Variants in PTPRD observed in about 807,000 individuals in gnomAD.
The protein encoded by PTPRD is receptor-type tyrosine-protein phosphatase delta.
In PTPRD, 34 loss-of-function variants were observed where a neutral mutation model predicts 214.5. The ratio of observed to expected loss-of-function variants is 0.16; its 90% CI spans 0.12 to 0.21. The LOEUF (loss-of-function observed/expected upper bound fraction) is 0.21. Ranked by LOEUF, PTPRD falls within the 10% of genes least tolerant of loss-of-function variation. The pLI is 1.00. For synonymous variants in PTPRD, 1,128 were observed against 845.7 expected (o/e 1.33, Z -5.79); for missense variants, 2,545 against 2,398.7 (o/e 1.06, Z -1.27).
intron 9 of PTPRD, among the ~76,000 whole-genome samples, chr9:9,195,107 T>TATATATATATATATATACAC (rs58832794): frequency 3.5e-5 from 5 of 141,168 alleles, no homozygotes; most frequent in African/African-American, 1.3e-4. Flanking sequence ...TATATATATA[T>TATATATATATATATATACAC]ACACACACAC....
chr9:10,264,580 C>T (rs2093925047), intron 3 of PTPRD, among the ~76,000 whole-genome samples: 2 of 152,142 alleles, frequency 1.3e-5, no homozygotes, highest in South Asian at 2.1e-4. Flanking sequence ...TGCCTGTACC[C>T]CCATTGTATC....
intron 32 of PTPRD, among the ~76,000 whole-genome samples, chr9:8,464,584 G>C (rs1217877123): frequency 6.6e-6 from 1 of 151,854 alleles, no homozygotes; most frequent in Admixed American, 6.6e-5. Flanking sequence ...GAAATGACTG[G>C]CTCAACTGGG....
intron 9 of PTPRD, among the ~76,000 whole-genome samples, chr9:9,292,045 T>C (rs1194061021): frequency 6.6e-6 from 1 of 151,324 alleles, no homozygotes; most frequent in African/African-American, 2.4e-5. Flanking sequence ...AATACTGGTA[T>C]TTTATCTCCT....
chr9:9,920,016 T>C (rs572895792), intron 5 of PTPRD, among the ~76,000 whole-genome samples: 97 of 152,256 alleles, frequency 6.4e-4, no homozygotes, highest in Admixed American at 2.1e-3. Flanking sequence ...CAAAGATCTT[T>C]TCTTGAGGTT....
intron 11 of PTPRD, among the ~76,000 whole-genome samples, chr9:8,773,138 G>T (rs542887302): frequency 6.6e-6 from 1 of 152,132 alleles, no homozygotes; most frequent in Non-Finnish European, 1.5e-5. Context: ...TCCAGAGATT[G>T]TTTCCTTTAG....
intron 4 of PTPRD, among the ~76,000 whole-genome samples, chr9:10,009,836 T>G (rs1327072477): frequency 6.6e-6 from 1 of 151,852 alleles, no homozygotes; most frequent in Non-Finnish European, 1.5e-5. Context: ...TATACTAGAG[T>G]CTGCTTGGAA....
intron 8 of PTPRD, among the ~76,000 whole-genome samples, chr9:9,508,133 T>A (rs541565174): frequency 6.6e-6 from 1 of 151,708 alleles, no homozygotes; most frequent in African/African-American, 2.4e-5. Flanking sequence ...GGTCTCTTGC[T>A]CTTCTTCAGA....
At chr9:10,113,411 G>C (rs988878346) in intron 3 of PTPRD, among the ~76,000 whole-genome samples, 4 of 152,174 alleles carry the variant, frequency 2.6e-5, no homozygotes, top group Admixed American at 6.5e-5. Flanking sequence ...CCTCTGCACA[G>C]ATACAGATGA....
At chr9:9,143,418 G>A (rs547000788) in intron 10 of PTPRD, among the ~76,000 whole-genome samples, 62 of 152,166 alleles carry the variant, frequency 4.1e-4, no homozygotes, top group African/African-American at 1.4e-3. Flanking sequence ...TGTTAACTAC[G>A]TTATATTGAA....
At chr9:9,926,675 T>G (rs2084429025) in intron 5 of PTPRD, among the ~76,000 whole-genome samples, 3 of 152,090 alleles carry the variant, frequency 2.0e-5, no homozygotes, top group Non-Finnish European at 2.9e-5. Flanking sequence ...AAATGATAGT[T>G]GAAAGCTAAA....
chr9:10,055,355 A>G (rs866777959), intron 3 of PTPRD, among the ~76,000 whole-genome samples: 11 of 152,272 alleles, frequency 7.2e-5, no homozygotes, highest in Middle Eastern at 3.4e-3. Flanking sequence ...GTTACTATCC[A>G]TTGAATACTT....
At chr9:9,980,346 C>A (rs986714769) in intron 4 of PTPRD, among the ~76,000 whole-genome samples, 2 of 151,648 alleles carry the variant, frequency 1.3e-5, no homozygotes, top group African/African-American at 4.8e-5. Context: ...TGGTGGGTCA[C>A]GCCTATAATC....
chr9:9,821,526 A>G (rs1238528815), intron 5 of PTPRD, among the ~76,000 whole-genome samples: 9 of 152,210 alleles, frequency 5.9e-5, no homozygotes, highest in East Asian at 5.8e-4. Flanking sequence ...ATAGAGAATC[A>G]GAGAGGCTGA....
intron 37 of PTPRD, among the ~76,000 whole-genome samples, chr9:8,383,593 G>T (rs1589174804): frequency 6.6e-6 from 1 of 152,090 alleles, no homozygotes. Context: ...CAGAAAATGG[G>T]ACTTAAGATA....
chr9:9,116,418 G>T (rs1331401158), intron 10 of PTPRD, among the ~76,000 whole-genome samples: 1 of 152,042 alleles, frequency 6.6e-6, no homozygotes, highest in African/African-American at 2.4e-5. Context: ...GCTCAGCTGA[G>T]TATGCACATG....
chr9:9,728,369 C>A (rs2098128598), intron 7 of PTPRD, among the ~76,000 whole-genome samples: 1 of 152,100 alleles, frequency 6.6e-6, no homozygotes, highest in Non-Finnish European at 1.5e-5. Flanking sequence ...AAATTGAAAT[C>A]CTTTTAATTC....
chr9:9,362,831 C>T (rs1569567724), intron 9 of PTPRD, among the ~76,000 whole-genome samples: 1 of 151,182 alleles, frequency 6.6e-6, no homozygotes, highest in Non-Finnish European at 1.5e-5. Flanking sequence ...CATAAATCAG[C>T]TATACATTTC....
intron 43 of PTPRD, among the ~76,000 whole-genome samples, chr9:8,337,873 ATT>A (rs1554721263): frequency 7.0e-6 from 1 of 143,832 alleles, no homozygotes. Context: ...AAAGAGCACT[ATT>A]TTTTTTTTTT....
intron 5 of PTPRD, among the ~76,000 whole-genome samples, chr9:9,840,131 G>A (rs986772049): frequency 1.3e-5 from 2 of 151,884 alleles, no homozygotes; most frequent in South Asian, 2.1e-4. Flanking sequence ...TCCACCTCCC[G>A]GGTTCAAGTG....
Sources: gnomAD v4.1 joint callset for allele counts (sites outside exome capture counted in the v4.1 genomes callset) on GRCh38, gnomAD v4.1.1 for gene constraint, MANE v1.5 for transcripts, NCBI Gene and HGNC (gene_info 2026-07-23, HGNC 2026-07-21) for gene names.